Variants in ZNF708 observed in about 807,000 individuals in gnomAD.
The protein encoded by ZNF708 is zinc finger protein 708, also known as ZNF15, ZNF15L1.
A neutral mutation model predicts 47.0 loss-of-function variants in ZNF708; 44 were observed. The ratio of observed to expected loss-of-function variants is 0.94; its 90% CI spans 0.74 to 1.20. The LOEUF (loss-of-function observed/expected upper bound fraction) is 1.20, where lower values mean the gene tolerates loss of function less well. Among genes scored for constraint, ZNF708 ranks in the 50% most tolerant of loss-of-function variants. The probability of loss-of-function intolerance (pLI) is 0.00; values close to 1 mark genes in which losing one functional copy is unlikely to be tolerated. For missense variants in ZNF708, 557 were observed against 656.0 expected (o/e 0.85, Z 1.65); for synonymous variants, 184 against 218.5 (o/e 0.84, Z 1.39).
At position 21,310,535 on chromosome 19, in the gene ZNF708, G is replaced by T. The variant is rs1003582877; in HGVS notation, c.96C>A (p.Val32=). ...CCAGGTTTCTATAATTCTCTAACAT[G>T]ACATTCCTATATAAATTCTGCTGTG... ...DTAQQNLYRN[V]MLENYRNLVF... Residue 32 remains valine, a synonymous_variant, in exon 2 of 4, where the codon GTC becomes GTA. Transcript: ENST00000356929. The T allele has an allele frequency of 1.6e-5, 24 of 1,458,896 alleles. No homozygotes were observed. Among genetic ancestry groups the T allele is most frequent in the Non-Finnish European group, 2.2e-5 (24 of 1,100,196 alleles). The allele number at this position is 1,458,896 out of a possible 1,614,324, so 90.4% of individuals were successfully genotyped here.
chr19:21,326,187 A>G (rs1973252348), intron 1 of ZNF708, among the ~76,000 whole-genome samples: 1 of 152,228 alleles, frequency 6.6e-6, no homozygotes, highest in African/African-American at 2.4e-5. Flanking sequence ...TAGGATTACC[A>G]TTTGATCCAG....
intron 1 of ZNF708, among the ~76,000 whole-genome samples, chr19:21,311,666 T>C (rs501563): frequency 0.95 from 144,854 of 152,272 alleles, 69,160 homozygotes; most frequent in Middle Eastern, 1. Flanking sequence ...TACCACCACA[T>C]CCACAAGCAA....
intron 1 of ZNF708, among the ~76,000 whole-genome samples, chr19:21,317,389 T>A (rs754231280): frequency 6.6e-6 from 1 of 152,118 alleles, no homozygotes; most frequent in Non-Finnish European, 1.5e-5. Context: ...GGACAATAGA[T>A]ACCAAATAGG....
intron 1 of ZNF708, among the ~76,000 whole-genome samples, chr19:21,326,141 G>A (rs575881425): frequency 9.3e-4 from 142 of 152,290 alleles, no homozygotes; most frequent in African/African-American, 3.3e-3. Context: ...AAGCCACTAT[G>A]GAAAACACTG....
rs1413712813 is a variant in ZNF708, at chr19:21,297,868, A to G, written c.227-3129T>C. 2.0e-5 allele frequency among the ~76,000 whole-genome samples: 3 copies of G among 152,276 alleles called. No individual in the cohort carries two copies. In the East Asian group the frequency reaches 5.8e-4, roughly 29 times the overall value. ...GCTACATCTTAAGTCAAAAAGTGTCATATTTAACAACATGTACTTTAAGTG... is the reference window on the plus strand; with the variant it reads ...GCTACATCTTAAGTCAAAAAGTGTCGTATTTAACAACATGTACTTTAAGTG... On this transcript the variant is annotated intron_variant, in intron 3 of 3. Transcript: ENST00000356929.
chr19:21,313,826 G>T (rs1972952060), intron 1 of ZNF708, among the ~76,000 whole-genome samples: 2 of 151,514 alleles, frequency 1.3e-5, no homozygotes, highest in Non-Finnish European at 2.9e-5. Flanking sequence ...TACAGAAAGA[G>T]TTTAATGTAG....
At chr19:21,315,160 A>G (rs961009128) in intron 1 of ZNF708, among the ~76,000 whole-genome samples, 1 of 152,286 alleles carries the variant, frequency 6.6e-6, no homozygotes, top group Admixed American at 6.5e-5. Context: ...AGAATTTGCC[A>G]TCAGATTCTG....
At chr19:21,317,109 T>C (rs908474627) in intron 1 of ZNF708, among the ~76,000 whole-genome samples, 6 of 114,678 alleles carry the variant, frequency 5.2e-5, no homozygotes, top group African/African-American at 2.2e-4. Context: ...CCATCTCTAC[T>C]ACAAATACAA....
At chr19:21,309,219 T>C (rs1168394485) in intron 3 of ZNF708, 27 bp downstream of exon 3, 1 of 1,551,746 alleles carries the variant, frequency 6.4e-7, no homozygotes. Context: ...CACATCTGTG[T>C]CATCTGTTGT....
intron 3 of ZNF708, among the ~76,000 whole-genome samples, chr19:21,301,769 C>A (rs1218245820): frequency 6.6e-6 from 1 of 152,102 alleles, no homozygotes; most frequent in Non-Finnish European, 1.5e-5. Flanking sequence ...TGCACTCCAA[C>A]CTGGGCAACA....
chr19:21,322,341 A>C (rs1001614573), intron 1 of ZNF708, among the ~76,000 whole-genome samples: 3 of 149,488 alleles, frequency 2.0e-5, no homozygotes, highest in Non-Finnish European at 1.5e-5. Context: ...TAGTTCTGTC[A>C]CCCAGGCTGG....
chr19:21,291,902 G>A lies in ZNF708; in HGVS notation c.*1372C>T, dbSNP rs890828156. 2.0e-5 allele frequency: 3 copies of A among 152,060 alleles called. No homozygotes were observed. Among genetic ancestry groups the A allele is most frequent in the Non-Finnish European group, 4.4e-5 (3 of 68,018 alleles). 9.4% of individuals were successfully genotyped at this position (152,060 alleles called of 1,614,324 possible). Reference sequence around the variant, plus strand: ...CAAACAAAAAAAGTATACTTTGAATGTAATTACAAACTTCCAAAAAATCTT... The same window carrying A: ...CAAACAAAAAAAGTATACTTTGAATATAATTACAAACTTCCAAAAAATCTT... On this transcript the variant is annotated 3_prime_UTR_variant, in exon 4 of 4. Coordinates refer to ENST00000356929, the MANE Select transcript of ZNF708 (RefSeq NM_021269.3).
chr19:21,296,477 G>A (rs1326103338), intron 3 of ZNF708, among the ~76,000 whole-genome samples: 1 of 151,920 alleles, frequency 6.6e-6, no homozygotes, highest in Non-Finnish European at 1.5e-5. Context: ...ACTCAAGCTT[G>A]GGCAACAAGA....
intron 3 of ZNF708, among the ~76,000 whole-genome samples, chr19:21,297,673 T>C (rs1358362056): frequency 1.3e-5 from 2 of 152,016 alleles, no homozygotes; most frequent in African/African-American, 2.4e-5. Flanking sequence ...GACATAATTT[T>C]CAACGAAATG....
Position 21,293,927 on chromosome 19 carries a change from CA to C in ZNF708, c.1038del (p.Ser346ArgfsTer11). The C allele has an allele frequency of 6.3e-7, 1 of 1,598,546 alleles. No individual in the cohort carries two copies. Among genetic ancestry groups the C allele is most frequent in the Non-Finnish European group, 8.5e-7 (1 of 1,174,024 alleles). ...TTATGTTTAGTAAGGGTTGAAAATA[CA>C]CTAAAAGCTTTGCCACATTCTTCAC... ...YKCEECGKAF[S>X]VFSTLTKHKI... On this transcript the variant is annotated frameshift_variant, in exon 4 of 4. Transcript: ENST00000356929. LOFTEE classifies it high-confidence loss of function.
intron 3 of ZNF708, among the ~76,000 whole-genome samples, chr19:21,302,480 C>A (rs1418038721): frequency 6.6e-6 from 1 of 151,910 alleles, no homozygotes; most frequent in Non-Finnish European, 1.5e-5. Flanking sequence ...GGTGTATCAC[C>A]TGAGGTCAGA....
At chr19:21,325,099 G>A (rs1010048292) in intron 1 of ZNF708, among the ~76,000 whole-genome samples, 3 of 152,020 alleles carry the variant, frequency 2.0e-5, no homozygotes, top group South Asian at 2.1e-4. Flanking sequence ...CAAATCCCAC[G>A]CTCATGGATA....
intron 1 of ZNF708, among the ~76,000 whole-genome samples, chr19:21,314,113 T>G (rs1381518898): frequency 6.6e-6 from 1 of 152,152 alleles, no homozygotes; most frequent in African/African-American, 2.4e-5. Context: ...GAGGCAAGAC[T>G]CCAGGGCTGG....
chr19:21,297,677 C>A (rs556792674), intron 3 of ZNF708, among the ~76,000 whole-genome samples: 1 of 145,276 alleles, frequency 6.9e-6, no homozygotes, highest in African/African-American at 2.5e-5. Flanking sequence ...TAATTTTCAA[C>A]GAAATGATTT....
Sources: gnomAD v4.1 joint callset for allele counts (sites outside exome capture counted in the v4.1 genomes callset) on GRCh38, gnomAD v4.1.1 for gene constraint, MANE v1.5 for transcripts, NCBI Gene and HGNC (gene_info 2026-07-23, HGNC 2026-07-21) for gene names.